The following FAM98A variants were observed in gnomAD, a reference collection of about 807,000 sequenced individuals.
FAM98A encodes the protein tRNA splicing ligase complex subunit 3A, also known as protein FAM98A.
FAM98A carries 25 observed loss-of-function variants against 62.9 expected under a neutral mutation model. That is an observed-to-expected ratio of 0.40 (90% CI 0.29 to 0.56). The LOEUF (loss-of-function observed/expected upper bound fraction) is 0.56. FAM98A is among the 20% of genes least tolerant of loss of function. The probability of loss-of-function intolerance (pLI) is 0.51; values close to 1 mark genes in which losing one functional copy is unlikely to be tolerated. For synonymous variants in FAM98A, 252 were observed against 228.6 expected (o/e 1.10, Z -0.92); for missense variants, 653 against 640.7 (o/e 1.02, Z -0.21).
intron 2 of FAM98A, 53 bp downstream of exon 2, chr2:33,595,436 A>G (rs1035835427): frequency 2.6e-4 from 386 of 1,468,626 alleles, no homozygotes; most frequent in Non-Finnish European, 3.2e-4. Flanking sequence ...TTCAGTTGAC[A>G]ATACCTCAAT....
rs1363024401 is a variant in FAM98A at position 33,594,614 on chromosome 2, TATATATATACACACATATATATACAC to T, written c.202+849_202+874del. Reference sequence around the variant, plus strand: ...ACACACACACACATACATACACACATATATATATACACACATATATATACACATATATATATACACACATATATATA... The same window carrying T: ...ACACACACACACATACATACACACATATATATATATACACACATATATATA... On this transcript the variant is annotated intron_variant, in intron 2 of 7. Transcript: ENST00000238823. Among the ~76,000 whole-genome samples the T allele has an allele frequency of 1.6e-4, 9 of 56,268 alleles. 1 individual carries two copies. In the East Asian group the frequency reaches 2.1e-3, roughly 13 times the overall value. 36.9% of individuals were successfully genotyped at this position (56,268 alleles called of 152,430 possible). A position where few individuals can be genotyped will look rare whatever the true frequency, so the allele number is the denominator to read the frequency against.
chr2:33,594,411 C>T (rs549469172), intron 2 of FAM98A, among the ~76,000 whole-genome samples: 8 of 151,174 alleles, frequency 5.3e-5, no homozygotes, highest in African/African-American at 1.7e-4. Context: ...GGGCCTGTTG[C>T]GGGTTAGAGG....
rs1308207635 is a variant in FAM98A, at chr2:33,595,474, T to C, written c.202+15A>G. ...TATTTTTATACTTTGTACCTAAAAG[T>C]GAATGTTTACTTACTGTTAGTTGCT... is the stretch of plus-strand genomic sequence containing the variant. On this transcript the variant is annotated intron_variant, in intron 2 of 7. Transcript: ENST00000238823. 2.5e-6 allele frequency: 4 copies of C among 1,596,092 alleles called. No individual in the cohort carries two copies. The African/African-American group carries it at 5.4e-5, about 22-fold the overall frequency.
chr2:33,592,101 T>G lies in FAM98A; in HGVS notation c.316A>C (p.Lys106Gln). The G allele has an allele frequency of 6.2e-7, 1 of 1,613,502 alleles. No individual in the cohort carries two copies. The highest frequency in any genetic ancestry group is 2.2e-5 in the East Asian group (1 of 44,888). Residue 106 changes from lysine to glutamine, a missense_variant, in exon 3 of 8, where the codon AAG (lysine) becomes CAG (glutamine). Coordinates refer to ENST00000238823, the MANE Select transcript of FAM98A (RefSeq NM_015475.5). ...TTACTGAGCAAGAGGAGGCAGTTCTTCTGAATGAGAAGGCGCTTGGTCACA... is the reference window on the plus strand; with the variant it reads ...TTACTGAGCAAGAGGAGGCAGTTCTGCTGAATGAGAAGGCGCTTGGTCACA... ...GDVTKRLLIQ[K>Q]NCLLLLTYLI...
Position 33,594,636 on chromosome 2 carries a change from T to C in FAM98A, c.202+853A>G, listed in dbSNP as rs12993074. Among the ~76,000 whole-genome samples the C allele has an allele frequency of 3.1e-4, 9 of 29,078 alleles. 1 individual carries two copies. Among genetic ancestry groups the C allele is most frequent in the Admixed American group, 1.7e-3 (4 of 2,350 alleles). 19.1% of individuals were successfully genotyped at this position (29,078 alleles called of 152,430 possible). ...ACATATATATATACACACATATATA[T>C]ACACATATATATATACACACATATA... On this transcript the variant is annotated intron_variant, in intron 2 of 7. Coordinates refer to ENST00000238823, the MANE Select transcript of FAM98A (RefSeq NM_015475.5).
chr2:33,588,559 T>A, intron 3 of FAM98A, 40 bp from the exon 4 acceptor site: 1 of 1,542,758 alleles, frequency 6.5e-7, no homozygotes, highest in Non-Finnish European at 8.9e-7. Flanking sequence ...GAGATACAGC[T>A]ATAGTTATAG....
chr2:33,591,770 T>C lies in FAM98A; in HGVS notation c.337+310A>G, dbSNP rs192186284. Among the ~76,000 whole-genome samples the C allele has an allele frequency of 3.9e-5, 6 of 152,266 alleles. No homozygotes were observed. In the East Asian group the frequency reaches 1.2e-3, roughly 29 times the overall value. On this transcript the variant is annotated intron_variant, in intron 3 of 7. Coordinates refer to ENST00000238823, the MANE Select transcript of FAM98A (RefSeq NM_015475.5). The stretch of plus-strand genomic sequence containing the variant: ...TTAAAAATGTGCTTCTAGTCTAAAA[T>C]GTAAGTTTAATGATCACACACTTGA...
intron 1 of FAM98A, among the ~76,000 whole-genome samples, chr2:33,598,353 C>T (rs969064395): frequency 6.6e-6 from 1 of 152,200 alleles, no homozygotes; most frequent in African/African-American, 2.4e-5. Context: ...TCTGGAACCA[C>T]ATTTAGCCCA....
At chr2:33,598,934 G>A (rs973754996) in intron 1 of FAM98A, among the ~76,000 whole-genome samples, 3 of 152,170 alleles carry the variant, frequency 2.0e-5, no homozygotes, top group Admixed American at 6.5e-5. Flanking sequence ...AACGCTGCGG[G>A]TAGCTCGCCT....
At chr2:33,593,277 T>C (rs1448183989) in intron 2 of FAM98A, among the ~76,000 whole-genome samples, 2 of 152,118 alleles carry the variant, frequency 1.3e-5, no homozygotes, top group South Asian at 2.1e-4. Context: ...TCGTGGCACA[T>C]GCCTGTAGTC....
At chr2:33,595,812 A>T (rs545845111) in intron 1 of FAM98A, among the ~76,000 whole-genome samples, 175 bp from the exon 2 acceptor site, 2 of 152,336 alleles carry the variant, frequency 1.3e-5, no homozygotes, top group East Asian at 3.9e-4. Context: ...CTGAACCATT[A>T]CAAAAAGCAG....
chr2:33,589,303 G>C (rs1041984289), intron 3 of FAM98A: 9 of 152,162 alleles, frequency 5.9e-5, no homozygotes, highest in Non-Finnish European at 1.0e-4. Context: ...TAATTCAGTT[G>C]AAGGTATAAA....
chr2:33,586,897 T>C (rs1338195912), intron 5 of FAM98A: 3 of 542,858 alleles, frequency 5.5e-6, no homozygotes, highest in African/African-American at 1.9e-5. Flanking sequence ...ACACAATTCT[T>C]ATTTATCTTT....
Position 33,596,269 on chromosome 2 carries a change from T to G in FAM98A, c.54-632A>C, listed in dbSNP as rs537304488. On this transcript the variant is annotated intron_variant, in intron 1 of 7. Coordinates refer to ENST00000238823, the MANE Select transcript of FAM98A (RefSeq NM_015475.5). ...TCCAGTTAACCATTTATATCATTTT[T>G]ATAAATTTAATGCCAGTTAAGACTA... 4.0e-4 allele frequency among the ~76,000 whole-genome samples: 61 copies of G among 152,356 alleles called. 1 individual carries two copies. The highest frequency in any genetic ancestry group is 1.4e-3 in the African/African-American group (59 of 41,594).
Position 33,592,208 on chromosome 2 carries a change from C to T in FAM98A, c.209G>A (p.Ser70Asn), listed in dbSNP as rs150018220. Residue 70 changes from serine to asparagine, a missense_variant, in exon 3 of 8, where the codon AGT becomes AAT. Coordinates refer to ENST00000238823, the MANE Select transcript of FAM98A (RefSeq NM_015475.5). ...EENVQATNSP[S>N]EAEEFQLEVS... ...CTCAAGCTGGAATTCTTCAGCTTCA[C>T]TCGGACCTTTTAAGAATTAAAATAA... The T allele has an allele frequency of 1.8e-5, 29 of 1,606,242 alleles. No homozygotes were observed. The Middle Eastern group carries it at 8.3e-4, about 46-fold the overall frequency.
At position 33,584,032 on chromosome 2, in the gene FAM98A, G is replaced by A. The variant is rs1281019669; in HGVS notation, c.*744C>T. 1.3e-5 allele frequency: 2 copies of A among 152,642 alleles called. No homozygotes were observed. 9.5% of individuals were successfully genotyped at this position (152,642 alleles called of 1,614,324 possible). Reference sequence around the variant, plus strand: ...ATTTCAAGTAAAAATAAGGTTGAAGGAGGAATTTGTTTTGGATGGATGCAG... The same window carrying A: ...ATTTCAAGTAAAAATAAGGTTGAAGAAGGAATTTGTTTTGGATGGATGCAG... On this transcript the variant is annotated 3_prime_UTR_variant, in exon 8 of 8. Transcript: ENST00000238823.
Position 33,585,235 on chromosome 2 carries a change from A to G in FAM98A, c.1098T>C (p.Tyr366=), listed in dbSNP as rs764974386. The stretch of plus-strand genomic sequence containing the variant: ...TTCCTCCCCCTCGGCCACCATGGTC[A>G]TAGCCACCACGTCCACCTCTCCCGC... ...QGGGRGGRGG[Y]DHGGRGGGRG... The change falls in exon 8 of 8, where the codon TAT becomes TAC. Residue 366 remains tyrosine (Y), a synonymous_variant. Transcript: ENST00000238823. 2.5e-6 allele frequency: 4 copies of G among 1,613,950 alleles called. No homozygotes were observed. The highest frequency in any genetic ancestry group is 2.5e-6 in the Non-Finnish European group (3 of 1,179,980).
intron 2 of FAM98A, 146 bp downstream of exon 2, chr2:33,595,343 C>CA (rs1677785391): frequency 1.0e-5 from 6 of 594,536 alleles, no homozygotes; most frequent in African/African-American, 2.0e-5. Flanking sequence ...CTAAAAACAA[C>CA]GGACGGAAAA....
intron 2 of FAM98A, among the ~76,000 whole-genome samples, chr2:33,592,486 C>A (rs1677693514): frequency 6.6e-6 from 1 of 152,052 alleles, no homozygotes; most frequent in Non-Finnish European, 1.5e-5. Flanking sequence ...CTGTTTAAGT[C>A]TCCGGAATAG....
Sources: gnomAD v4.1 joint callset for allele counts (sites outside exome capture counted in the v4.1 genomes callset) on GRCh38, gnomAD v4.1.1 for gene constraint, MANE v1.5 for transcripts, NCBI Gene and HGNC (gene_info 2026-07-23, HGNC 2026-07-21) for gene names.